DPY19L1: variants seen among roughly 807,000 people sequenced by gnomAD.
DPY19L1 encodes the protein dpy-19 like C-mannosyltransferase 1, also known as protein C-mannosyl-transferase DPY19L1.
Under a neutral mutation model 96.9 loss-of-function variants are expected in DPY19L1, and 35 were observed. That is an observed-to-expected ratio of 0.36 (90% CI 0.28 to 0.48). DPY19L1 has a LOEUF of 0.48. Ranked by LOEUF, DPY19L1 falls within the 20% of genes least tolerant of loss-of-function variation. The pLI is 0.99. For missense variants in DPY19L1, 521 were observed against 777.9 expected (o/e 0.67, Z 3.93); for synonymous variants, 205 against 252.6 (o/e 0.81, Z 1.79).
intron 6 of DPY19L1, among the ~76,000 whole-genome samples, chr7:35,009,743 T>C (rs1036091249): frequency 1.9e-4 from 29 of 152,114 alleles, no homozygotes; most frequent in African/African-American, 6.5e-4. Flanking sequence ...TGCTCCCTCA[T>C]GTTACCTTAA....
rs1310327757 is a variant in DPY19L1 at position 34,957,594 on chromosome 7, CAAAACAAGAAAAACAAAACAAAACAA to C, written c.1179+364_1179+389del. ...ATACAAGTAGACAAGGGGCAAAAAA[CAAAACAAGAAAAACAAAACAAAACAA>C]AAAACAGAAGAAAAAGTAACCAAGG... On this transcript the variant is annotated intron_variant, in intron 11 of 21. Coordinates refer to ENST00000638088, the MANE Select transcript of DPY19L1 (RefSeq NM_001366673.1). Among the ~76,000 whole-genome samples the C allele has an allele frequency of 6.1e-5, 5 of 82,520 alleles. No individual in the cohort carries two copies. In the East Asian group the frequency reaches 1.3e-3, roughly 22 times the overall value. The allele number at this position is 82,520 out of a possible 152,430, so 54.1% of individuals were successfully genotyped here.
intron 6 of DPY19L1, among the ~76,000 whole-genome samples, chr7:35,002,413 C>T (rs1223943922): frequency 6.6e-6 from 1 of 151,308 alleles, no homozygotes; most frequent in Non-Finnish European, 1.5e-5. Flanking sequence ...AGAACAAAGC[C>T]AAAGAGCTTA....
Position 34,929,825 on chromosome 7 carries a change from AAC to A in DPY19L1, c.*1746_*1747del, listed in dbSNP as rs1242028301. On this transcript the variant is annotated 3_prime_UTR_variant, in exon 22 of 22. Coordinates refer to ENST00000638088, the MANE Select transcript of DPY19L1 (RefSeq NM_001366673.1). Reference sequence around the variant, plus strand: ...AACTAGCAAAAGCCTAAGAAATAAAAACAGTCAACCAGCAAATGAGAAACAGT... The same window carrying A: ...AACTAGCAAAAGCCTAAGAAATAAAAAGTCAACCAGCAAATGAGAAACAGT... 2.0e-5 allele frequency: 3 copies of A among 152,230 alleles called. No homozygotes were observed. The highest frequency in any genetic ancestry group is 4.4e-5 in the Non-Finnish European group (3 of 68,042). 9.4% of individuals were successfully genotyped at this position (152,230 alleles called of 1,614,324 possible). A position where few individuals can be genotyped will look rare whatever the true frequency, so the allele number is the denominator to read the frequency against.
At chr7:34,935,703 G>C (rs1453388387) in intron 21 of DPY19L1, among the ~76,000 whole-genome samples, 1 of 152,120 alleles carries the variant, frequency 6.6e-6, no homozygotes. Flanking sequence ...AGGGGTTTCA[G>C]GCTGATCATA....
Position 34,956,373 on chromosome 7 carries a change from A to T in DPY19L1, c.1180-1006T>A, listed in dbSNP as rs555189301. 3.3e-5 allele frequency among the ~76,000 whole-genome samples: 5 copies of T among 152,300 alleles called. No homozygotes were observed. The South Asian group carries it at 1.0e-3, about 32-fold the overall frequency. ...AACTATACTTATTAATCCCAAAGTT[A>T]TGATTTTTCTTGTTGTTGTTGTTGA... On this transcript the variant is annotated intron_variant, in intron 11 of 21. Coordinates refer to ENST00000638088, the MANE Select transcript of DPY19L1 (RefSeq NM_001366673.1).
rs568723701 is a variant in DPY19L1, at chr7:34,946,848, T to C, written c.1494+782A>G. ...AACATTTGTCTACCCCATAGGGCTGTTGAATAACCAATTTAAATACTCATG... is the reference window on the plus strand; with the variant it reads ...AACATTTGTCTACCCCATAGGGCTGCTGAATAACCAATTTAAATACTCATG... On this transcript the variant is annotated intron_variant, in intron 15 of 21. Coordinates refer to ENST00000638088, the MANE Select transcript of DPY19L1 (RefSeq NM_001366673.1). Among the ~76,000 whole-genome samples, 6 of 152,372 alleles carry C rather than the reference T, an allele frequency of 3.9e-5. No individual in the cohort carries two copies. The South Asian group carries it at 1.0e-3, about 26-fold the overall frequency.
At chr7:35,021,053 G>T (rs1009761889) in intron 1 of DPY19L1, among the ~76,000 whole-genome samples, 1 of 152,154 alleles carries the variant, frequency 6.6e-6, no homozygotes, top group African/African-American at 2.4e-5. Context: ...TAATAATTTT[G>T]TTCCTGTTTT....
chr7:34,988,781 G>A (rs185695629), intron 7 of DPY19L1, among the ~76,000 whole-genome samples: 2 of 152,182 alleles, frequency 1.3e-5, no homozygotes, highest in Non-Finnish European at 2.9e-5. Flanking sequence ...AGATGTATTA[G>A]AAATTCATTT....
intron 3 of DPY19L1, among the ~76,000 whole-genome samples, chr7:35,014,902 G>T (rs329230): frequency 0.57 from 86,384 of 151,942 alleles, 24,866 homozygotes; most frequent in Admixed American, 0.7. Flanking sequence ...CATGTGAAGA[G>T]GGGTCAGAGA....
intron 6 of DPY19L1, among the ~76,000 whole-genome samples, chr7:34,998,309 G>A (rs1367492612): frequency 1.3e-5 from 2 of 152,160 alleles, no homozygotes; most frequent in South Asian, 2.1e-4. Context: ...TTCAAAAGAG[G>A]GGGAGGAGAT....
chr7:34,971,516 G>C (rs1365705618), intron 8 of DPY19L1, among the ~76,000 whole-genome samples: 1 of 152,176 alleles, frequency 6.6e-6, no homozygotes, highest in African/African-American at 2.4e-5. Flanking sequence ...TCTGAACCAG[G>C]AGTGGTGAAA....
chr7:34,938,130 AAAT>A lies in DPY19L1; in HGVS notation c.1965-14_1965-12del, dbSNP rs747271189. 31 of 1,610,640 alleles carry A rather than the reference AAAT, an allele frequency of 1.9e-5. No individual in the cohort carries two copies. Among genetic ancestry groups the A allele is most frequent in the Non-Finnish European group, 2.6e-5 (31 of 1,179,026 alleles). On this transcript the variant is annotated splice_polypyrimidine_tract_variant and intron_variant, in intron 20 of 21. Coordinates refer to ENST00000638088, the MANE Select transcript of DPY19L1 (RefSeq NM_001366673.1). Reference sequence around the variant, plus strand: ...ATTTTTGTTCTGGCTCTTTAAAGAAAAATAATTGGGCATAAAATTTTCAAGACT... The same window carrying A: ...ATTTTTGTTCTGGCTCTTTAAAGAAAAATTGGGCATAAAATTTTCAAGACT...
chr7:34,943,146 TAATG>T (rs1371831910), intron 16 of DPY19L1, among the ~76,000 whole-genome samples: 1 of 152,220 alleles, frequency 6.6e-6, no homozygotes, highest in Admixed American at 6.5e-5. Flanking sequence ...TCAACATTTT[TAATG>T]AATGAACAAG....
intron 13 of DPY19L1, among the ~76,000 whole-genome samples, chr7:34,951,220 T>C (rs1311688331): frequency 6.6e-6 from 1 of 152,088 alleles, no homozygotes; most frequent in Non-Finnish European, 1.5e-5. Context: ...ACAGTGTTCA[T>C]TGCAAATGTT....
chr7:35,009,754 G>C (rs2128677733), intron 6 of DPY19L1, among the ~76,000 whole-genome samples: 1 of 152,252 alleles, frequency 6.6e-6, no homozygotes, highest in African/African-American at 2.4e-5. Flanking sequence ...GTTACCTTAA[G>C]CAGTAGTCTA....
chr7:34,940,126 CT>C (rs748459736), intron 19 of DPY19L1, 26 bp downstream of exon 19: 140 of 1,417,862 alleles, frequency 9.9e-5, no homozygotes, highest in East Asian at 3.2e-4. Flanking sequence ...AATAATATGA[CT>C]TTTTTTTTCT....
At chr7:35,026,243 C>T (rs1786117310) in intron 1 of DPY19L1, among the ~76,000 whole-genome samples, 1 of 152,180 alleles carries the variant, frequency 6.6e-6, no homozygotes, top group South Asian at 2.1e-4. Flanking sequence ...GTAATTGTAT[C>T]ACCTGGGAGT....
chr7:34,999,234 C>T (rs1285470823), intron 6 of DPY19L1, among the ~76,000 whole-genome samples: 1 of 152,160 alleles, frequency 6.6e-6, no homozygotes, highest in Non-Finnish European at 1.5e-5. Flanking sequence ...CAACTAGCCA[C>T]ACACAAAAGG....
At chr7:34,981,961 A>C (rs1784948924) in intron 7 of DPY19L1, among the ~76,000 whole-genome samples, 2 of 152,162 alleles carry the variant, frequency 1.3e-5, no homozygotes, top group South Asian at 4.1e-4. Context: ...AAATAAAATA[A>C]AATAAAATAA....
Sources: allele counts gnomAD v4.1 joint callset (sites outside exome capture counted in the v4.1 genomes callset), GRCh38; gene constraint gnomAD v4.1.1; transcripts MANE v1.5; gene names NCBI Gene and HGNC (gene_info 2026-07-23, HGNC 2026-07-21).